ZFR2: variants seen among roughly 807,000 people sequenced by gnomAD.
ZFR2 encodes zinc finger RNA-binding protein 2.
ZFR2 carries 104 observed loss-of-function variants against 105.7 expected under a neutral mutation model. That is an observed-to-expected ratio of 0.98 (90% CI 0.84 to 1.16). The LOEUF is 1.16. ZFR2 is among the 50% of genes most tolerant of loss of function. The pLI is 0.00. For synonymous variants in ZFR2, 634 were observed against 597.7 expected (o/e 1.06, Z -0.89); for missense variants, 1,425 against 1,355.5 (o/e 1.05, Z -0.80).
chr19:3,831,796 C>G lies in ZFR2; in HGVS notation c.462G>C (p.Glu154Asp). ...AQPPQQAPIV[E>D]SGQPASTLSS... Reference sequence around the variant, plus strand: ...ACAAGGTGCTCGCTGGCTGTCCGGACTCCACTATGGGCGCCTGCTGTGGGG... The same window carrying G: ...ACAAGGTGCTCGCTGGCTGTCCGGAGTCCACTATGGGCGCCTGCTGTGGGG... Residue 154 changes from glutamate (E) to aspartate (D), a missense_variant, in exon 4 of 19, where the codon GAG becomes GAC. Glu to Asp is a conservative substitution (Grantham distance 45). Coordinates refer to ENST00000262961, the MANE Select transcript of ZFR2 (RefSeq NM_015174.2). 6.2e-7 allele frequency: 1 copy of G among 1,610,186 alleles called. No homozygotes were observed. The highest frequency in any genetic ancestry group is 8.5e-7 in the Non-Finnish European group (1 of 1,179,468).
chr19:3,848,777 G>A lies in ZFR2; in HGVS notation c.54-13794C>T, dbSNP rs186418065. ...GAGGCTGAGGTGGGCGGATCACGAG[G>A]TCAGGAGATCGAGACCATCCTGGCT... On this transcript the variant is annotated intron_variant, in intron 1 of 18. Coordinates refer to ENST00000262961, the MANE Select transcript of ZFR2 (RefSeq NM_015174.2). Among the ~76,000 whole-genome samples the A allele has an allele frequency of 5.9e-3, 897 of 151,904 alleles. 5 individuals carry two copies. Among genetic ancestry groups the A allele is most frequent in the Non-Finnish European group, 9.2e-3 (623 of 67,988 alleles).
chr19:3,860,070 G>A lies in ZFR2; in HGVS notation c.53+8895C>T, dbSNP rs796137440. Among the ~76,000 whole-genome samples, 17 of 152,082 alleles carry A rather than the reference G, an allele frequency of 1.1e-4. No homozygotes were observed. The South Asian group carries it at 1.2e-3, about 11-fold the overall frequency. On this transcript the variant is annotated intron_variant, in intron 1 of 18. Transcript: ENST00000262961. ...TTTTGAGTCAGGGTCTTGCTCTGTCGCCCAGGCTGGAGTGCAGTAGCACAA... is the reference window on the plus strand; with the variant it reads ...TTTTGAGTCAGGGTCTTGCTCTGTCACCCAGGCTGGAGTGCAGTAGCACAA...
At chr19:3,837,033 C>T (rs72972973) in intron 1 of ZFR2, among the ~76,000 whole-genome samples, 10,220 of 152,280 alleles carry the variant, frequency 0.067, 485 homozygotes, top group South Asian at 0.14. Flanking sequence ...GGCCCCCAAC[C>T]GGGCCCTGCT....
At chr19:3,815,847 G>A (rs887839042) in intron 13 of ZFR2, among the ~76,000 whole-genome samples, 6 of 151,486 alleles carry the variant, frequency 4.0e-5, no homozygotes, top group Admixed American at 6.6e-5. Flanking sequence ...TGCCTCCCGG[G>A]TTCATGCCAT....
chr19:3,848,960 C>T (rs1329509857), intron 1 of ZFR2, among the ~76,000 whole-genome samples: 2 of 152,228 alleles, frequency 1.3e-5, no homozygotes, highest in African/African-American at 2.4e-5. Flanking sequence ...CACCACTGCA[C>T]TCCAGCCTGG....
At chr19:3,826,516 A>T (rs1440097362) in intron 6 of ZFR2, among the ~76,000 whole-genome samples, 2 of 151,022 alleles carry the variant, frequency 1.3e-5, no homozygotes, top group African/African-American at 4.9e-5. Flanking sequence ...GCTCACTGCA[A>T]CCTCCACCTA....
chr19:3,822,595 A>G (rs2037907818), intron 8 of ZFR2, among the ~76,000 whole-genome samples: 1 of 152,064 alleles, frequency 6.6e-6, no homozygotes, highest in Non-Finnish European at 1.5e-5. Flanking sequence ...TCATGCCTGT[A>G]GTCCCAGCTA....
intron 1 of ZFR2, among the ~76,000 whole-genome samples, chr19:3,839,033 G>C (rs1050347624): frequency 5.3e-5 from 8 of 152,066 alleles, no homozygotes; most frequent in Non-Finnish European, 1.5e-5. Flanking sequence ...ACCAGAAATC[G>C]GCAGCTCTAC....
chr19:3,866,093 C>T (rs796421143), intron 1 of ZFR2, among the ~76,000 whole-genome samples: 35 of 152,252 alleles, frequency 2.3e-4, no homozygotes, highest in African/African-American at 7.9e-4. Context: ...CCGCTTGCCT[C>T]GGCCTCCCAA....
chr19:3,840,358 C>T (rs2038122729), intron 1 of ZFR2, among the ~76,000 whole-genome samples: 1 of 151,902 alleles, frequency 6.6e-6, no homozygotes, highest in South Asian at 2.1e-4. Flanking sequence ...CCACCTCAGC[C>T]TCCCAAGTAG....
chr19:3,868,591 C>A (rs984770810), intron 1 of ZFR2, among the ~76,000 whole-genome samples: 13 of 150,664 alleles, frequency 8.6e-5, no homozygotes, highest in South Asian at 2.1e-4. Flanking sequence ...CCACCCCCCG[C>A]CCGGGTCTGT....
rs1440828412 is a variant in ZFR2, at chr19:3,837,408, GTGACTGTGGAACTTGATGAACACCA to G, written c.54-2450_54-2426del. Among the ~76,000 whole-genome samples, 674 of 150,122 alleles carry G rather than the reference GTGACTGTGGAACTTGATGAACACCA, an allele frequency of 4.5e-3. 5 individuals carry two copies. The highest frequency in any genetic ancestry group is 0.016 in the African/African-American group (653 of 40,764). ...ATGACTGTGACACTCGATGAACACC[GTGACTGTGGAACTTGATGAACACCA>G]TGACTGTGGAACTTGATGAACACCA... On this transcript the variant is annotated intron_variant, in intron 1 of 18. Coordinates refer to ENST00000262961, the MANE Select transcript of ZFR2 (RefSeq NM_015174.2).
chr19:3,825,205 C>T (rs530756708), intron 7 of ZFR2, 25 bp downstream of exon 7: 5 of 1,466,472 alleles, frequency 3.4e-6, no homozygotes, highest in African/African-American at 1.5e-5. Context: ...GGTGGGTACA[C>T]GAACACGCAT....
intron 1 of ZFR2, among the ~76,000 whole-genome samples, chr19:3,848,717 C>T (rs900716068): frequency 1.1e-4 from 16 of 148,744 alleles, no homozygotes; most frequent in South Asian, 2.1e-4. Flanking sequence ...TTAGGCTGGG[C>T]GCGGTGGCTC....
At position 3,831,800 on chromosome 19, in the gene ZFR2, A is replaced by C; in HGVS notation, c.458T>G (p.Val153Gly). Residue 153 changes from valine (V) to glycine (G), a missense_variant, in exon 4 of 19, where the codon GTG becomes GGG. By Grantham distance (109) the Val-to-Gly change is moderately radical (BLOSUM62 -3). Transcript: ENST00000262961. Reference protein sequence around the residue: ...HAQPPQQAPIVESGQPASTLS... With the variant: ...HAQPPQQAPIGESGQPASTLS... The stretch of plus-strand genomic sequence containing the variant: ...GGTGCTCGCTGGCTGTCCGGACTCC[A>C]CTATGGGCGCCTGCTGTGGGGGCTG... 6.2e-7 allele frequency: 1 copy of C among 1,609,816 alleles called. No homozygotes were observed.
At position 3,805,362 on chromosome 19, in the gene ZFR2, A is replaced by G. The variant is rs1179785268; in HGVS notation, c.*587T>C. 2 of 152,110 alleles carry G rather than the reference A, an allele frequency of 1.3e-5. No individual in the cohort carries two copies. Among genetic ancestry groups the G allele is most frequent in the Non-Finnish European group, 2.9e-5 (2 of 68,066 alleles). The allele number at this position is 152,110 out of a possible 1,614,324, so 9.4% of individuals were successfully genotyped here. On this transcript the variant is annotated 3_prime_UTR_variant, in exon 19 of 19. Transcript: ENST00000262961. ...CTGTAACAATTTAAGCACAAATGTTAAAAAACATTTCTTTTAAGTGACAAA... is the reference window on the plus strand; with the variant it reads ...CTGTAACAATTTAAGCACAAATGTTGAAAAACATTTCTTTTAAGTGACAAA...
chr19:3,867,407 G>A (rs960343872), intron 1 of ZFR2, among the ~76,000 whole-genome samples: 4 of 151,982 alleles, frequency 2.6e-5, no homozygotes, highest in Admixed American at 6.6e-5. Flanking sequence ...GAGATGCTCC[G>A]AGGAGCAGGC....
intron 13 of ZFR2, among the ~76,000 whole-genome samples, chr19:3,815,450 T>C (rs2037815429): frequency 1.3e-5 from 2 of 152,218 alleles, no homozygotes; most frequent in African/African-American, 2.4e-5. Context: ...GAAGAGTATA[T>C]GAAAATTCTC....
chr19:3,824,416 C>T (rs975469354), intron 7 of ZFR2, among the ~76,000 whole-genome samples: 1 of 152,234 alleles, frequency 6.6e-6, no homozygotes, highest in African/African-American at 2.4e-5. Flanking sequence ...CGGGTCAGCT[C>T]TGACAGCTGG....
Sources: allele counts gnomAD v4.1 joint callset (sites outside exome capture counted in the v4.1 genomes callset), GRCh38; gene constraint gnomAD v4.1.1; transcripts MANE v1.5; gene names NCBI Gene and HGNC (gene_info 2026-07-23, HGNC 2026-07-21).